Variants in RGPD3 observed in about 807,000 individuals in gnomAD.
RGPD3 encodes the protein ranBP2-like and GRIP domain-containing protein 3.
RGPD3 carries 62 observed loss-of-function variants against 154.5 expected under a neutral mutation model. The observed-to-expected ratio is 0.40, with a 90% confidence interval of 0.33 to 0.50. The LOEUF is 0.50. Among genes scored for constraint, RGPD3 ranks in the 20% least tolerant of loss-of-function variants. The probability of loss-of-function intolerance (pLI) is 0.59; values close to 1 mark genes in which losing one functional copy is unlikely to be tolerated. For synonymous variants in RGPD3, 308 were observed against 607.0 expected, an observed-to-expected ratio of 0.51 and a Z score of 7.24; for missense variants, 919 against 1,716.8, an observed-to-expected ratio of 0.54 and a Z score of 8.21.
intron 9 of RGPD3, among the ~76,000 whole-genome samples, chr2:106,437,766 G>A (rs1000934460): frequency 2.0e-5 from 3 of 151,696 alleles, no homozygotes; most frequent in African/African-American, 7.3e-5. Context: ...AAAGTAGCAA[G>A]CAAATTATGA....
intron 20 of RGPD3, 119 bp downstream of exon 20, chr2:106,422,924 T>A: frequency 6.3e-7 from 1 of 1,591,436 alleles, no homozygotes; most frequent in Non-Finnish European, 8.5e-7. Flanking sequence ...TCAAATATTT[T>A]AGGGGTGTTC....
chr2:106,449,000 T>A (rs1226484266), intron 6 of RGPD3, among the ~76,000 whole-genome samples: 2 of 151,118 alleles, frequency 1.3e-5, no homozygotes, highest in Admixed American at 6.6e-5. Context: ...TGAGCTGAGT[T>A]TTCTAGAGGC....
chr2:106,413,255 T>G lies in RGPD3; in HGVS notation c.5095A>C (p.Arg1699=), dbSNP rs754685952. ...GCAGACACCTCTTGCTCTTGATTCC[T>G]TTCCAATCTTCTTATTTCACTTTTG... is the stretch of plus-strand genomic sequence containing the variant. ...LLKSEIRRLE[R]NQEQEVSAAN... The change falls in exon 22 of 23, where the codon AGG becomes CGG. Residue 1699 remains arginine (R), a synonymous_variant. Coordinates refer to ENST00000409886, the MANE Select transcript of RGPD3 (RefSeq NM_001144013.2). 1 of 1,611,864 alleles carries G rather than the reference T, an allele frequency of 6.2e-7. No homozygotes were observed. The highest frequency in any genetic ancestry group is 1.3e-5 in the African/African-American group (1 of 74,862).
rs1398393268 is a variant in RGPD3, at chr2:106,447,509, G to T, written c.887C>A (p.Ser296Tyr). The T allele has an allele frequency of 1.2e-5, 3 of 249,742 alleles. No homozygotes were observed. Among genetic ancestry groups the T allele is most frequent in the Non-Finnish European group, 2.0e-5 (3 of 150,202 alleles). 15.5% of individuals were successfully genotyped at this position (249,742 alleles called of 1,614,324 possible). ...ATGCTGACCCATCTTCAAGAGCAGA[G>T]AACCAGCATGCATGTAGAAATGTCC... ...MKGHFYMHAGSLLLKMGQHGN... is the reference protein window; with the variant it reads ...MKGHFYMHAGYLLLKMGQHGN... The change falls in exon 7 of 23, where the codon TCT becomes TAT. Residue 296 changes from serine to tyrosine, a missense_variant. Transcript: ENST00000409886.
chr2:106,437,997 T>A (rs1677619358), intron 9 of RGPD3, among the ~76,000 whole-genome samples: 1 of 152,240 alleles, frequency 6.6e-6, no homozygotes, highest in African/African-American at 2.4e-5. Flanking sequence ...AGCAGTGTGA[T>A]CTTGGCTCAC....
At chr2:106,461,370 T>C (rs4468812) in intron 1 of RGPD3, among the ~76,000 whole-genome samples, 117,585 of 150,980 alleles carry the variant, frequency 0.78, 46,078 homozygotes, top group East Asian at 1. Context: ...ACTCCAACAA[T>C]TGATCTGATA....
chr2:106,450,526 C>T (rs1170435675), intron 6 of RGPD3, among the ~76,000 whole-genome samples: 2 of 145,522 alleles, frequency 1.4e-5, no homozygotes, highest in African/African-American at 2.5e-5. Context: ...CCTCCTGAGC[C>T]TCCCCCTCTG....
At chr2:106,415,030 T>A (rs1183058185) in intron 21 of RGPD3, among the ~76,000 whole-genome samples, 2 of 152,038 alleles carry the variant, frequency 1.3e-5, no homozygotes, top group African/African-American at 4.8e-5. Context: ...ACAAGCAGTA[T>A]GACTATATTC....
rs1677187548 is a variant in RGPD3 at position 106,426,096 on chromosome 2, A to G, written c.2606-8T>C. On this transcript the variant is annotated splice_region_variant and splice_polypyrimidine_tract_variant and intron_variant, in intron 18 of 22. Coordinates refer to ENST00000409886, the MANE Select transcript of RGPD3 (RefSeq NM_001144013.2). Reference sequence around the variant, plus strand: ...AAGGGCCAGTAGTTGCAACTAAAAAAAAAAAAGAAAAGAAAGAAAACACTG... The same window carrying G: ...AAGGGCCAGTAGTTGCAACTAAAAAGAAAAAAGAAAAGAAAGAAAACACTG... 1 of 1,594,894 alleles carries G rather than the reference A, an allele frequency of 6.3e-7. No homozygotes were observed. Among genetic ancestry groups the G allele is most frequent in the Admixed American group, 1.7e-5 (1 of 59,752 alleles).
chr2:106,413,297 G>T lies in RGPD3; in HGVS notation c.5065-12C>A. 1.2e-6 allele frequency: 2 copies of T among 1,611,710 alleles called. No homozygotes were observed. The highest frequency in any genetic ancestry group is 1.7e-6 in the Non-Finnish European group (2 of 1,179,784). On this transcript the variant is annotated splice_polypyrimidine_tract_variant and intron_variant, in intron 21 of 22. Coordinates refer to ENST00000409886, the MANE Select transcript of RGPD3 (RefSeq NM_001144013.2). ...TCACTTTTGAGAAGCTGGTGTTAGAGAAATGAGTTAAAAATGGGCTTTAGG... is the reference window on the plus strand; with the variant it reads ...TCACTTTTGAGAAGCTGGTGTTAGATAAATGAGTTAAAAATGGGCTTTAGG...
chr2:106,449,753 C>T (rs1181376068), intron 6 of RGPD3, among the ~76,000 whole-genome samples: 1 of 151,942 alleles, frequency 6.6e-6, no homozygotes, highest in African/African-American at 2.4e-5. Context: ...CGCGGTGGCT[C>T]ATGCCTGTAA....
At chr2:106,436,935 A>G in intron 9 of RGPD3, 81 bp from the exon 10 acceptor site, 2 of 439,254 alleles carry the variant, frequency 4.6e-6, no homozygotes, top group Non-Finnish European at 3.8e-6. Flanking sequence ...AACAATTCAC[A>G]TTATATATAT....
At chr2:106,448,809 G>A (rs1678012794) in intron 6 of RGPD3, among the ~76,000 whole-genome samples, 1 of 151,898 alleles carries the variant, frequency 6.6e-6, no homozygotes, top group South Asian at 2.1e-4. Context: ...TTCTGCCTCA[G>A]CCTCCCGAGC....
In RGPD3 at chr2:106,415,976, C is replaced by A. The variant is rs1676816244; in HGVS notation, c.4938G>T (p.Trp1646Cys). ...ATTCTTCTTTAGTAAATTCAGCATA[C>A]CATAATGGAGGCTCTGCAACATGTT... The part of the protein sequence containing the change: ...FKTPEKEPPL[W>C]YAEFTKEELV... The change falls in exon 21 of 23, where the codon TGG becomes TGT. Residue 1646 changes from tryptophan to cysteine, a missense_variant. Physicochemically the swap from Trp to Cys is radical, Grantham distance 215. Coordinates refer to ENST00000409886, the MANE Select transcript of RGPD3 (RefSeq NM_001144013.2). 6.2e-7 allele frequency: 1 copy of A among 1,611,642 alleles called. No individual in the cohort carries two copies. The highest frequency in any genetic ancestry group is 8.5e-7 in the Non-Finnish European group (1 of 1,179,772).
intron 1 of RGPD3, among the ~76,000 whole-genome samples, chr2:106,466,965 G>GGCCGCCGCAGGGCCAGGTCGAGGCT: frequency 3.2e-5 from 4 of 123,516 alleles, no homozygotes; most frequent in African/African-American, 1.1e-4. Flanking sequence ...GAGCCATCGA[G>GGCCGCCGCAGGGCCAGGTCGAGGCT]GCCGCCGCAG....
intron 9 of RGPD3, among the ~76,000 whole-genome samples, chr2:106,437,737 C>G (rs1677608693): frequency 6.6e-6 from 1 of 151,766 alleles, no homozygotes; most frequent in Non-Finnish European, 1.5e-5. Flanking sequence ...GTTGAGAAAA[C>G]TTGGATGCCC....
intron 9 of RGPD3, among the ~76,000 whole-genome samples, chr2:106,438,560 T>C (rs1472446027): frequency 2.0e-5 from 3 of 151,094 alleles, no homozygotes; most frequent in Non-Finnish European, 4.4e-5. Context: ...GGCAGGTGGA[T>C]CACCTGAGGT....
intron 18 of RGPD3, among the ~76,000 whole-genome samples, chr2:106,426,725 C>T (rs1286989771): frequency 6.6e-6 from 1 of 152,260 alleles, no homozygotes; most frequent in Non-Finnish European, 1.5e-5. Context: ...AATGACAAAA[C>T]TACCAATAGT....
Position 106,415,755 on chromosome 2 carries a change from C to G in RGPD3, c.5064+95G>C. ...AAAGATCAAGACGTTATAGATGCATCTGCAATGTGAATTTTTAAACTTGGG... is the reference window on the plus strand; with the variant it reads ...AAAGATCAAGACGTTATAGATGCATGTGCAATGTGAATTTTTAAACTTGGG... On this transcript the variant is annotated intron_variant, in intron 21 of 22. Transcript: ENST00000409886. 3 of 1,517,536 alleles carry G rather than the reference C, an allele frequency of 2.0e-6. No individual in the cohort carries two copies. The South Asian group carries it at 3.4e-5, about 17-fold the overall frequency. 94.0% of individuals were successfully genotyped at this position (1,517,536 alleles called of 1,614,324 possible).
Sources: allele counts gnomAD v4.1 joint callset (sites outside exome capture counted in the v4.1 genomes callset), GRCh38; gene constraint gnomAD v4.1.1; transcripts MANE v1.5; gene names NCBI Gene and HGNC (gene_info 2026-07-23, HGNC 2026-07-21).